The following ARHGAP20 variants were observed in gnomAD, a reference collection of about 807,000 sequenced individuals.
ARHGAP20 encodes the protein rho GTPase-activating protein 20.
A neutral mutation model predicts 73.7 loss-of-function variants in ARHGAP20; 34 were observed. That is an observed-to-expected ratio of 0.46 (90% CI 0.35 to 0.61). The LOEUF (loss-of-function observed/expected upper bound fraction) is 0.61, where lower values mean the gene tolerates loss of function less well. Ranked by LOEUF, ARHGAP20 falls within the 20% of genes least tolerant of loss-of-function variation. ARHGAP20 has a pLI of 0.00. For missense variants in ARHGAP20, 1,314 were observed against 1,420.9 expected (o/e 0.92, Z 1.21); for synonymous variants, 523 against 518.2 (o/e 1.01, Z -0.13).
chr11:110,674,897 T>G (rs1949901129), intron 2 of ARHGAP20, among the ~76,000 whole-genome samples: 1 of 152,204 alleles, frequency 6.6e-6, no homozygotes, highest in Admixed American at 6.5e-5. Flanking sequence ...TTCTTAACTG[T>G]GATAATGAAT....
intron 2 of ARHGAP20, among the ~76,000 whole-genome samples, chr11:110,651,398 G>C (rs1434198311): frequency 6.6e-6 from 1 of 151,542 alleles, no homozygotes; most frequent in Non-Finnish European, 1.5e-5. Context: ...AGAAGGTAGA[G>C]ACATGAAAAA....
intron 2 of ARHGAP20, among the ~76,000 whole-genome samples, chr11:110,681,577 A>G (rs1950037199): frequency 6.6e-6 from 1 of 152,230 alleles, no homozygotes; most frequent in Non-Finnish European, 1.5e-5. Flanking sequence ...GTATAAATGT[A>G]CTTCCTTCAT....
At chr11:110,692,780 T>C (rs931608357) in intron 1 of ARHGAP20, among the ~76,000 whole-genome samples, 6 of 151,980 alleles carry the variant, frequency 3.9e-5, no homozygotes, top group African/African-American at 1.4e-4. Context: ...TGCAGAACTA[T>C]AATGTGGAGG....
At chr11:110,658,453 G>A (rs1949522735) in intron 2 of ARHGAP20, among the ~76,000 whole-genome samples, 1 of 151,810 alleles carries the variant, frequency 6.6e-6, no homozygotes, top group Non-Finnish European at 1.5e-5. Flanking sequence ...CTCCTCATTG[G>A]CACAAAAACT....
At chr11:110,672,530 C>T (rs1267126997) in intron 2 of ARHGAP20, among the ~76,000 whole-genome samples, 1 of 151,918 alleles carries the variant, frequency 6.6e-6, no homozygotes, top group African/African-American at 2.4e-5. Context: ...CTGCAACCTC[C>T]GCCCCTCATG....
In ARHGAP20 at chr11:110,634,177, T is replaced by C. The variant is rs141193106; in HGVS notation, c.189-3385A>G. ...AGTCATCAGTTGGTCATTAAGACCTTTGAGAAAACAGTTCCAGGAGAATGG... is the reference window on the plus strand; with the variant it reads ...AGTCATCAGTTGGTCATTAAGACCTCTGAGAAAACAGTTCCAGGAGAATGG... On this transcript the variant is annotated intron_variant, in intron 2 of 14. Transcript: ENST00000683387. Among the ~76,000 whole-genome samples, 50 of 152,218 alleles carry C rather than the reference T, an allele frequency of 3.3e-4. No individual in the cohort carries two copies. The East Asian group carries it at 9.1e-3, about 28-fold the overall frequency.
At chr11:110,711,501 CTG>C (rs1207301403) in intron 1 of ARHGAP20, among the ~76,000 whole-genome samples, 1 of 144,308 alleles carries the variant, frequency 6.9e-6, no homozygotes, top group African/African-American at 2.5e-5. Context: ...GCCCCTCAAA[CTG>C]TGACCCCCAC....
In ARHGAP20 at chr11:110,624,257, T is replaced by C; in HGVS notation, c.408A>G (p.Thr136=). 1.2e-6 allele frequency: 2 copies of C among 1,610,918 alleles called. No homozygotes were observed. Among genetic ancestry groups the C allele is most frequent in the South Asian group, 1.1e-5 (1 of 90,494 alleles). ...CTCCCACTTCATCCACACAGCTTGC[T>C]GTCCACATATCAGTTAATTTAATTT... The part of the protein sequence containing the change: ...KNKIKLTDMW[T]ASCVDEVGEG... Residue 136 remains threonine (T), a synonymous_variant, in exon 4 of 15, where the codon ACA becomes ACG. Transcript: ENST00000683387.
chr11:110,614,199 T>G (rs926793702), intron 6 of ARHGAP20, among the ~76,000 whole-genome samples: 1 of 152,188 alleles, frequency 6.6e-6, no homozygotes, highest in African/African-American at 2.4e-5. Context: ...AAATACTCCT[T>G]GTGGAAACAG....
At chr11:110,641,935 T>C (rs1429696439) in intron 2 of ARHGAP20, among the ~76,000 whole-genome samples, 1 of 152,050 alleles carries the variant, frequency 6.6e-6, no homozygotes, top group Non-Finnish European at 1.5e-5. Context: ...TGTGTAATGA[T>C]TACACTGTAT....
At chr11:110,667,085 G>A (rs945102104) in intron 2 of ARHGAP20, among the ~76,000 whole-genome samples, 4 of 152,272 alleles carry the variant, frequency 2.6e-5, no homozygotes, top group Non-Finnish European at 5.9e-5. Flanking sequence ...ACATGCTGAT[G>A]TGGAAGCTGT....
chr11:110,680,513 G>C (rs916409989), intron 2 of ARHGAP20, among the ~76,000 whole-genome samples: 1 of 152,138 alleles, frequency 6.6e-6, no homozygotes, highest in African/African-American at 2.4e-5. Flanking sequence ...CTATCCCTAT[G>C]AACAGGGGTG....
At chr11:110,604,872 C>G (rs1374895924) in intron 9 of ARHGAP20, among the ~76,000 whole-genome samples, 1 of 152,128 alleles carries the variant, frequency 6.6e-6, no homozygotes, top group African/African-American at 2.4e-5. Context: ...AAGTGACAGG[C>G]TGGCTGTGCA....
chr11:110,680,460 G>C (rs1341013227), intron 2 of ARHGAP20, among the ~76,000 whole-genome samples: 1 of 152,132 alleles, frequency 6.6e-6, no homozygotes, highest in Admixed American at 6.5e-5. Flanking sequence ...TAGGGGAAGA[G>C]AGTATCTAGT....
intron 1 of ARHGAP20, among the ~76,000 whole-genome samples, chr11:110,705,866 A>AC (rs1950544479): frequency 6.6e-6 from 1 of 152,200 alleles, no homozygotes; most frequent in Admixed American, 6.5e-5. Context: ...GCTTTCCAAT[A>AC]GCAAGCAAGG....
chr11:110,609,694 T>C (rs1280420391), intron 7 of ARHGAP20, among the ~76,000 whole-genome samples: 1 of 152,190 alleles, frequency 6.6e-6, no homozygotes, highest in Non-Finnish European at 1.5e-5. Flanking sequence ...TGCTGAATCC[T>C]CTAGGAGGGA....
chr11:110,599,424 G>C (rs1242726637), intron 9 of ARHGAP20, among the ~76,000 whole-genome samples: 1 of 152,240 alleles, frequency 6.6e-6, no homozygotes, highest in East Asian at 1.9e-4. Context: ...AACAAGCATA[G>C]GAGGGAAGCC....
intron 1 of ARHGAP20, among the ~76,000 whole-genome samples, chr11:110,700,835 C>A (rs550822309): frequency 6.7e-6 from 1 of 148,576 alleles, no homozygotes; most frequent in East Asian, 2.0e-4. Flanking sequence ...TGAGAATATG[C>A]GGTGTTTGGT....
chr11:110,590,576 T>C, intron 11 of ARHGAP20, 72 bp downstream of exon 11: 2 of 1,424,842 alleles, frequency 1.4e-6, no homozygotes, highest in East Asian at 2.4e-5. Flanking sequence ...ATAATGTTCA[T>C]AATGAAAAAG....
Sources: allele counts gnomAD v4.1 joint callset (sites outside exome capture counted in the v4.1 genomes callset), GRCh38; gene constraint gnomAD v4.1.1; transcripts MANE v1.5; gene names NCBI Gene and HGNC (gene_info 2026-07-23, HGNC 2026-07-21).